Variants in TAFA5 observed in about 807,000 individuals in gnomAD.
TAFA5 encodes TAFA chemokine like family member 5.
TAFA5 carries 6 observed loss-of-function variants against 15.3 expected under a neutral mutation model. The observed-to-expected ratio is 0.39, with a 90% confidence interval of 0.21 to 0.77. TAFA5 has a LOEUF of 0.77. Ranked by LOEUF, TAFA5 falls within the 30% of genes least tolerant of loss-of-function variation. The pLI, the probability that TAFA5 is intolerant of heterozygous loss-of-function variation, is 0.41. For synonymous variants in TAFA5, 103 were observed against 80.7 expected (o/e 1.28, Z -1.48); for missense variants, 161 against 193.1 (o/e 0.83, Z 0.98).
rs1928072239 is a variant in TAFA5, at chr22:48,489,721, C to T, written c.112+17C>T. 1.4e-6 allele frequency: 2 copies of T among 1,409,724 alleles called. No homozygotes were observed. The highest frequency in any genetic ancestry group is 1.5e-5 in the African/African-American group (1 of 67,148). 87.3% of individuals were successfully genotyped at this position (1,409,724 alleles called of 1,614,324 possible). A position where few individuals can be genotyped will look rare whatever the true frequency, so the allele number is the denominator to read the frequency against. ...CCTACTGCAGTGAGTACCGCGCGGC[C>T]CCGGCCCCGGCACGGCCCTCTGGGC... On this transcript the variant is annotated intron_variant, in intron 1 of 3. Transcript: ENST00000402357. This position sits in a 1 kb window ranked among gnomAD's most constrained non-coding sequence, Gnocchi z 5.5.
chr22:48,661,836 C>T (rs1601652260), intron 2 of TAFA5, among the ~76,000 whole-genome samples: 1 of 152,142 alleles, frequency 6.6e-6, no homozygotes, highest in African/African-American at 2.4e-5. Context: ...AGCCTGGGAG[C>T]CTGCAGAGAC....
At chr22:48,670,124 C>T (rs536928118) in intron 2 of TAFA5, among the ~76,000 whole-genome samples, 1 of 152,340 alleles carries the variant, frequency 6.6e-6, no homozygotes, top group Admixed American at 6.5e-5. Flanking sequence ...CTTAGATCCT[C>T]TCAGAGGACA....
At chr22:48,684,757 A>G (rs988983464) in intron 2 of TAFA5, among the ~76,000 whole-genome samples, 2 of 152,242 alleles carry the variant, frequency 1.3e-5, no homozygotes, top group East Asian at 1.9e-4. Flanking sequence ...GAGAACTCCA[A>G]TTCCTTGGAA....
chr22:48,643,189 C>T lies in TAFA5; in HGVS notation c.113-3408C>T, dbSNP rs143784351. Among the ~76,000 whole-genome samples, 7 of 152,350 alleles carry T rather than the reference C, an allele frequency of 4.6e-5. No homozygotes were observed. In the South Asian group the frequency reaches 1.0e-3, roughly 23 times the overall value. On this transcript the variant is annotated intron_variant, in intron 1 of 3. Transcript: ENST00000402357. ...GGCTGCCATGTGGATCTCAGATGCA[C>T]GGCCTCCAGCGCCATGGGATAAGAA...
At chr22:48,708,707 C>T (rs753442551) in intron 3 of TAFA5, among the ~76,000 whole-genome samples, 14 of 152,204 alleles carry the variant, frequency 9.2e-5, no homozygotes, top group Non-Finnish European at 1.6e-4. Flanking sequence ...TTCCCTAACA[C>T]GGATCCGGGC....
intron 1 of TAFA5, among the ~76,000 whole-genome samples, chr22:48,584,653 C>T (rs1285506720): frequency 1.4e-5 from 2 of 147,910 alleles, no homozygotes; most frequent in African/African-American, 5.0e-5. Context: ...ACACATGCAC[C>T]ACACACACAG....
chr22:48,713,756 C>T (rs1929323543), intron 3 of TAFA5, among the ~76,000 whole-genome samples: 1 of 152,226 alleles, frequency 6.6e-6, no homozygotes, highest in Non-Finnish European at 1.5e-5. Flanking sequence ...CTTGTCCAGG[C>T]CACCAGGATC....
intron 2 of TAFA5, among the ~76,000 whole-genome samples, chr22:48,686,272 A>G (rs1371345820): frequency 6.6e-6 from 1 of 152,204 alleles, no homozygotes; most frequent in Non-Finnish European, 1.5e-5. Flanking sequence ...AATGGAGTGC[A>G]TAGACAGAAA....
intron 1 of TAFA5, among the ~76,000 whole-genome samples, chr22:48,607,501 C>A (rs572908135): frequency 1.7e-4 from 23 of 138,548 alleles, no homozygotes; most frequent in African/African-American, 6.2e-4. Flanking sequence ...AGGGCTGGCC[C>A]ACCCATCCCA....
intron 1 of TAFA5, among the ~76,000 whole-genome samples, chr22:48,517,539 C>T (rs370546613): frequency 2.4e-4 from 36 of 152,292 alleles, no homozygotes; most frequent in Middle Eastern, 3.4e-3. Flanking sequence ...GACCTGGCCC[C>T]GGGCTGTGGA....
chr22:48,615,714 C>T (rs528220522), intron 1 of TAFA5, among the ~76,000 whole-genome samples: 2 of 152,190 alleles, frequency 1.3e-5, no homozygotes, highest in Non-Finnish European at 1.5e-5. Context: ...CCCCCCTCTC[C>T]AGGAGGGGCC....
intron 1 of TAFA5, among the ~76,000 whole-genome samples, chr22:48,524,373 C>T (rs1040346819): frequency 1.3e-5 from 2 of 152,214 alleles, no homozygotes; most frequent in South Asian, 2.1e-4. Flanking sequence ...GGGATGGAGA[C>T]GCCCTGCCCT....
chr22:48,497,037 G>T (rs145629491), intron 1 of TAFA5, among the ~76,000 whole-genome samples: 1 of 152,304 alleles, frequency 6.6e-6, no homozygotes, highest in African/African-American at 2.4e-5. Flanking sequence ...GGTGGGGCTG[G>T]TCCCGCACAG....
intron 1 of TAFA5, among the ~76,000 whole-genome samples, chr22:48,536,735 C>T (rs1206760503): frequency 6.6e-6 from 1 of 152,254 alleles, no homozygotes; most frequent in Non-Finnish European, 1.5e-5. Flanking sequence ...TTGTTTGCAG[C>T]CACCCATGGG....
intron 2 of TAFA5, among the ~76,000 whole-genome samples, chr22:48,662,851 A>T (rs889113372): frequency 5.9e-5 from 9 of 152,214 alleles, no homozygotes; most frequent in Non-Finnish European, 1.2e-4. Flanking sequence ...CGCAGCTGCA[A>T]TGGTGGCCTC....
chr22:48,544,555 G>A (rs546622575), intron 1 of TAFA5: 173 of 397,460 alleles, frequency 4.4e-4, no homozygotes, highest in African/African-American at 3.0e-3. Flanking sequence ...GTGCAACGGC[G>A]CTAACTGCAT....
At chr22:48,699,534 C>T (rs1049239306) in intron 2 of TAFA5, among the ~76,000 whole-genome samples, 2 of 152,102 alleles carry the variant, frequency 1.3e-5, no homozygotes, top group East Asian at 1.9e-4. Flanking sequence ...CCCCGCGTTC[C>T]GTTCAGTGAG....
At chr22:48,713,584 G>T (rs557045260) in intron 3 of TAFA5, among the ~76,000 whole-genome samples, 1 of 152,342 alleles carries the variant, frequency 6.6e-6, no homozygotes, top group South Asian at 2.1e-4. Context: ...AAGCCCCTCT[G>T]GGAAAGGTTC....
intron 1 of TAFA5, among the ~76,000 whole-genome samples, chr22:48,607,120 G>A (rs188352048): frequency 3.3e-5 from 5 of 152,254 alleles, no homozygotes; most frequent in Non-Finnish European, 5.9e-5. Flanking sequence ...GCCCGGTCCC[G>A]TTAGCCTCGG....
Sources: gnomAD v4.1 joint callset for allele counts (sites outside exome capture counted in the v4.1 genomes callset) on GRCh38, gnomAD v4.1.1 for gene constraint, Gnocchi (gnomAD v3.1) non-coding constraint, MANE v1.5 for transcripts, NCBI Gene and HGNC (gene_info 2026-07-23, HGNC 2026-07-21) for gene names.